Variants in SLC14A2 observed in about 807,000 individuals in gnomAD.
SLC14A2 encodes the protein urea transporter 2.
In SLC14A2, 91 loss-of-function variants were observed where a neutral mutation model predicts 104.6. That is an observed-to-expected ratio of 0.87 (90% CI 0.73 to 1.04). SLC14A2 has a LOEUF of 1.04. SLC14A2 is among the 50% of genes least tolerant of loss of function. SLC14A2 has a pLI of 0.00. For missense variants in SLC14A2, 1,189 were observed against 1,156.0 expected (o/e 1.03, Z -0.41); for synonymous variants, 476 against 466.4 (o/e 1.02, Z -0.27).
At chr18:45,280,318 G>C (rs1452531903) in intron 1 of SLC14A2, among the ~76,000 whole-genome samples, 1 of 152,134 alleles carries the variant, frequency 6.6e-6, no homozygotes, top group Non-Finnish European at 1.5e-5. Flanking sequence ...GGAGGAAAAG[G>C]GGCCTCAGTT....
chr18:45,549,419 A>G (rs1284237557), intron 2 of SLC14A2, among the ~76,000 whole-genome samples: 1 of 152,204 alleles, frequency 6.6e-6, no homozygotes, highest in African/African-American at 2.4e-5. Context: ...TCAAATCCTG[A>G]GCCCCACCTC....
At chr18:45,533,852 C>G (rs552227812) in intron 2 of SLC14A2, among the ~76,000 whole-genome samples, 1 of 152,234 alleles carries the variant, frequency 6.6e-6, no homozygotes, top group South Asian at 2.1e-4. Context: ...ATAAATGTCC[C>G]TCTACACACT....
intron 1 of SLC14A2, among the ~76,000 whole-genome samples, chr18:45,326,859 A>G (rs1458410125): frequency 2.6e-5 from 4 of 152,190 alleles, no homozygotes; most frequent in Non-Finnish European, 5.9e-5. Flanking sequence ...TTTTTAGTCT[A>G]GATTTTAGTA....
chr18:45,586,117 C>T (rs80325110), intron 2 of SLC14A2, among the ~76,000 whole-genome samples: 11,619 of 152,096 alleles, frequency 0.076, 473 homozygotes, highest in East Asian at 0.11. Flanking sequence ...ATTAGGTTTG[C>T]GCAAAAGTAA....
At chr18:45,557,509 T>G (rs2044148478) in intron 2 of SLC14A2, among the ~76,000 whole-genome samples, 1 of 152,202 alleles carries the variant, frequency 6.6e-6, no homozygotes, top group East Asian at 1.9e-4. Flanking sequence ...TGTTTGGAAA[T>G]AGCCTCGAGC....
intron 18 of SLC14A2, among the ~76,000 whole-genome samples, chr18:45,677,669 TA>T (rs2046249406): frequency 6.6e-6 from 1 of 152,232 alleles, no homozygotes; most frequent in Non-Finnish European, 1.5e-5. Flanking sequence ...GTATGTTAAT[TA>T]ATGAGGATTC....
Position 45,376,696 on chromosome 18 carries a change from G to A in SLC14A2, c.-124-106537G>A, listed in dbSNP as rs200520185. 4.6e-5 allele frequency among the ~76,000 whole-genome samples: 7 copies of A among 152,220 alleles called. No homozygotes were observed. In the East Asian group the frequency reaches 1.4e-3, roughly 29 times the overall value. ...GATGGCTTTGAGATGAGTACAGGGTGGGGACATCCCTAAAAGAGATGACTC... is the reference window on the plus strand; with the variant it reads ...GATGGCTTTGAGATGAGTACAGGGTAGGGACATCCCTAAAAGAGATGACTC... On this transcript the variant is annotated intron_variant, in intron 1 of 20. Transcript: ENST00000586448.
At chr18:45,387,200 T>A (rs1598743793) in intron 1 of SLC14A2, among the ~76,000 whole-genome samples, 1 of 152,328 alleles carries the variant, frequency 6.6e-6, no homozygotes, top group African/African-American at 2.4e-5. Context: ...CCATCTCTTT[T>A]TTCTGTCTTA....
intron 10 of SLC14A2, among the ~76,000 whole-genome samples, chr18:45,651,541 A>C (rs1057220508): frequency 6.6e-6 from 1 of 152,218 alleles, no homozygotes; most frequent in Non-Finnish European, 1.5e-5. Context: ...CTTTTTAACA[A>C]TGGAAGTTGC....
At chr18:45,289,946 A>G (rs1342345921) in intron 1 of SLC14A2, among the ~76,000 whole-genome samples, 2 of 152,204 alleles carry the variant, frequency 1.3e-5, no homozygotes, top group African/African-American at 4.8e-5. Flanking sequence ...ACCTGGGATG[A>G]GGCCTCCCTC....
Position 45,558,818 on chromosome 18 carries a change from GTC to G in SLC14A2, c.-34-65810_-34-65809del, listed in dbSNP as rs566820056. ...TGAGTTTCTTTTTTTTTGAGACGGA[GTC>G]TCACTCTGTCGCCAGGCTGGAGTGC... On this transcript the variant is annotated intron_variant, in intron 2 of 20. Transcript: ENST00000586448. 2.4e-3 allele frequency among the ~76,000 whole-genome samples: 366 copies of G among 152,242 alleles called. 1 individual carries two copies. Among genetic ancestry groups the G allele is most frequent in the African/African-American group, 8.4e-3 (347 of 41,540 alleles).
At chr18:45,382,488 C>A (rs143692762) in intron 1 of SLC14A2, among the ~76,000 whole-genome samples, 1 of 152,200 alleles carries the variant, frequency 6.6e-6, no homozygotes, top group Non-Finnish European at 1.5e-5. Flanking sequence ...GTCTGCAATA[C>A]ATTTAGCCAC....
chr18:45,340,925 T>C (rs1017093231), intron 1 of SLC14A2, among the ~76,000 whole-genome samples: 1 of 152,110 alleles, frequency 6.6e-6, no homozygotes, highest in Admixed American at 6.5e-5. Context: ...ATACAGTCAA[T>C]GAAGGATTAG....
chr18:45,311,433 C>A (rs959097372), intron 1 of SLC14A2, among the ~76,000 whole-genome samples: 7 of 152,190 alleles, frequency 4.6e-5, no homozygotes, highest in South Asian at 4.1e-4. Flanking sequence ...AAAAGACTTG[C>A]CCAAAATCTC....
At chr18:45,305,579 C>T (rs2085011501) in intron 1 of SLC14A2, among the ~76,000 whole-genome samples, 2 of 152,208 alleles carry the variant, frequency 1.3e-5, no homozygotes, top group African/African-American at 4.8e-5. Context: ...CCAGGTCTCC[C>T]TGACCCACCA....
chr18:45,316,541 G>T (rs931262765), intron 1 of SLC14A2, among the ~76,000 whole-genome samples: 1 of 152,182 alleles, frequency 6.6e-6, no homozygotes, highest in Admixed American at 6.5e-5. Context: ...ACTGACTTTT[G>T]AGGGCATCTG....
chr18:45,380,830 T>C (rs113020793), intron 1 of SLC14A2, among the ~76,000 whole-genome samples: 2 of 152,338 alleles, frequency 1.3e-5, no homozygotes, highest in African/African-American at 4.8e-5. Context: ...TTCTCAAAAA[T>C]CTGTTTAACT....
chr18:45,182,077 AGAAAT>A, the SLC14A2 span, among the ~76,000 whole-genome samples: 35,422 of 151,890 alleles, frequency 0.23, 4,411 homozygotes, highest in Non-Finnish European at 0.3. Context: ...TTAAGCAATA[AGAAAT>A]GAAAGTAATT....
At chr18:45,305,097 T>C (rs995159530) in intron 1 of SLC14A2, among the ~76,000 whole-genome samples, 1 of 152,162 alleles carries the variant, frequency 6.6e-6, no homozygotes, top group African/African-American at 2.4e-5. Context: ...AAAGTGCTGA[T>C]CCAGATGTAG....
Sources: allele counts gnomAD v4.1 joint callset (sites outside exome capture counted in the v4.1 genomes callset), GRCh38; gene constraint gnomAD v4.1.1; transcripts MANE v1.5; gene names NCBI Gene and HGNC (gene_info 2026-07-23, HGNC 2026-07-21).